The following ARMH4 variants were observed in gnomAD, a reference collection of about 807,000 sequenced individuals.
The protein encoded by ARMH4 is armadillo-like helical domain-containing protein 4.
ARMH4 carries 49 observed loss-of-function variants against 61.9 expected under a neutral mutation model. The observed-to-expected ratio is 0.79, with a 90% confidence interval of 0.63 to 1.00. The LOEUF is 1.00. Among genes scored for constraint, ARMH4 ranks in the 50% least tolerant of loss-of-function variants. The probability of loss-of-function intolerance (pLI) is 0.00; values close to 1 mark genes in which losing one functional copy is unlikely to be tolerated. For missense variants in ARMH4, 934 were observed against 930.0 expected (o/e 1.00, Z -0.06); for synonymous variants, 368 against 341.5 (o/e 1.08, Z -0.85).
chr14:58,039,726 C>T (rs1883620719), intron 5 of ARMH4, among the ~76,000 whole-genome samples: 1 of 152,174 alleles, frequency 6.6e-6, no homozygotes, highest in South Asian at 2.1e-4. Context: ...ACTAGAATTT[C>T]CTGCTTCTCA....
At chr14:58,110,804 C>T (rs1202402566) in intron 4 of ARMH4, among the ~76,000 whole-genome samples, 1 of 152,096 alleles carries the variant, frequency 6.6e-6, no homozygotes, top group African/African-American at 2.4e-5. Flanking sequence ...TCACTGCAAC[C>T]TCCACCTCCC....
In ARMH4 at chr14:58,139,322, A is replaced by G. The variant is rs545053058; in HGVS notation, c.37T>C (p.Phe13Leu). 6.8e-6 allele frequency: 11 copies of G among 1,614,246 alleles called. No individual in the cohort carries two copies. In the African/African-American group the frequency reaches 8.0e-5, roughly 12 times the overall value. Residue 13 changes from phenylalanine (F) to leucine (L), a missense_variant, in exon 2 of 8, where the codon TTC becomes CTC. By Grantham distance (22) the Phe-to-Leu change is conservative. Transcript: ENST00000267485. ...ACGCTGAAAAGCAGAAGGCTACAGAAAGCCAGACAAATGTGCAATACAATC... is the reference window on the plus strand; with the variant it reads ...ACGCTGAAAAGCAGAAGGCTACAGAGAGCCAGACAAATGTGCAATACAATC... ...GPIVLHICLA[F>L]CSLLLFSVAT...
At position 58,138,086 on chromosome 14, in the gene ARMH4, T is replaced by C. The variant is rs960527801; in HGVS notation, c.1273A>G (p.Thr425Ala). 2 of 1,614,236 alleles carry C rather than the reference T, an allele frequency of 1.2e-6. No homozygotes were observed. The highest frequency in any genetic ancestry group is 4.5e-5 in the East Asian group (2 of 44,888). ...LQSTGDFTESTKENDALFFLE... is the reference protein window; with the variant it reads ...LQSTGDFTESAKENDALFFLE... ...AAAAACAGGGCATCGTTTTCCTTGG[T>C]GGATTCCGTGAAGTCTCCCGTACTT... The change falls in exon 2 of 8, where the codon ACC (threonine) becomes GCC (alanine). Residue 425 changes from threonine (T) to alanine (A), a missense_variant. Transcript: ENST00000267485.
Position 58,152,176 on chromosome 14 carries a change from G to C in ARMH4, c.-158C>G, listed in dbSNP as rs1887959644. ...CCCTGCGGCGGCGGCGGCGGTAGCG[G>C]CGGCGACTCCCTCCGCTGTCTGGGA... On this transcript the variant is annotated 5_prime_UTR_variant, in exon 1 of 8. Coordinates refer to ENST00000267485, the MANE Select transcript of ARMH4 (RefSeq NM_001001872.4). 1 of 160,154 alleles carries C rather than the reference G, an allele frequency of 6.2e-6. No individual in the cohort carries two copies. Among genetic ancestry groups the C allele is most frequent in the East Asian group, 1.8e-4 (1 of 5,446 alleles). The allele number at this position is 160,154 out of a possible 1,614,324, so 9.9% of individuals were successfully genotyped here.
intron 5 of ARMH4, among the ~76,000 whole-genome samples, chr14:58,063,662 A>G (rs1566563528): frequency 2.0e-5 from 3 of 151,400 alleles, no homozygotes; most frequent in Admixed American, 6.6e-5. Flanking sequence ...TTGGAGAAGG[A>G]CATGGCTGAA....
In ARMH4 at chr14:58,065,099, G is replaced by A. The variant is rs187384955; in HGVS notation, c.2089+31625C>T. 3.0e-3 allele frequency among the ~76,000 whole-genome samples: 451 copies of A among 152,178 alleles called. 1 individual carries two copies. Among genetic ancestry groups the A allele is most frequent in the African/African-American group, 0.01 (420 of 41,530 alleles). ...TCTACTAAAAATACAAAAATTAGCC[G>A]GGCGTGTTGGTGGACACCTGTAATC... is the stretch of plus-strand genomic sequence containing the variant. On this transcript the variant is annotated intron_variant, in intron 5 of 7. Transcript: ENST00000267485.
chr14:58,019,381 AAT>A (rs1882730082), intron 5 of ARMH4, among the ~76,000 whole-genome samples: 3 of 152,102 alleles, frequency 2.0e-5, no homozygotes, highest in African/African-American at 7.2e-5. Flanking sequence ...CATGTTGATA[AAT>A]ATATATGATT....
intron 4 of ARMH4, among the ~76,000 whole-genome samples, chr14:58,125,469 G>C (rs1184039105): frequency 1.3e-5 from 2 of 152,182 alleles, no homozygotes; most frequent in African/African-American, 4.8e-5. Flanking sequence ...CAGATAGTCA[G>C]GGCCTGTGAA....
At chr14:58,028,894 G>A (rs1048897391) in intron 5 of ARMH4, among the ~76,000 whole-genome samples, 1 of 152,164 alleles carries the variant, frequency 6.6e-6, no homozygotes, top group African/African-American at 2.4e-5. Context: ...CTAACCAGGT[G>A]TTTTTGGTTT....
At chr14:58,132,581 CTTTTTTTTTTTT>C (rs71448942) in intron 3 of ARMH4, among the ~76,000 whole-genome samples, 1 of 86,022 alleles carries the variant, frequency 1.2e-5, no homozygotes, top group African/African-American at 4.1e-5. Context: ...ACCCTTGTCC[CTTTTTTTTTTTT>C]TTTTTTTTTT....
chr14:58,132,486 T>C (rs980249997), intron 3 of ARMH4, among the ~76,000 whole-genome samples: 2 of 151,008 alleles, frequency 1.3e-5, no homozygotes, highest in Non-Finnish European at 3.0e-5. Flanking sequence ...AGCAGCAGAG[T>C]TGCCAAACAG....
intron 5 of ARMH4, among the ~76,000 whole-genome samples, chr14:58,044,586 A>G (rs1883860221): frequency 6.6e-6 from 1 of 152,250 alleles, no homozygotes; most frequent in Admixed American, 6.5e-5. Context: ...CACCAAAAGC[A>G]ATGACAACAA....
chr14:58,062,804 T>C (rs1249205924), intron 5 of ARMH4, among the ~76,000 whole-genome samples: 1 of 152,164 alleles, frequency 6.6e-6, no homozygotes, highest in African/African-American at 2.4e-5. Flanking sequence ...GGCTCCATAA[T>C]TTGCAGCCCC....
intron 5 of ARMH4, among the ~76,000 whole-genome samples, chr14:58,044,258 A>C (rs2141188179): frequency 6.6e-6 from 1 of 152,374 alleles, no homozygotes; most frequent in East Asian, 1.9e-4. Context: ...TACTGGTACC[A>C]AAACAGAGAT....
intron 5 of ARMH4, among the ~76,000 whole-genome samples, chr14:58,047,834 C>T (rs1297670258): frequency 6.6e-6 from 1 of 152,034 alleles, no homozygotes. Context: ...CTTAGGGACC[C>T]GCCAAGTCCC....
intron 4 of ARMH4, among the ~76,000 whole-genome samples, chr14:58,127,975 CAGT>C (rs1280247153): frequency 1.3e-5 from 2 of 152,206 alleles, no homozygotes; most frequent in Non-Finnish European, 2.9e-5. Flanking sequence ...AATAGACCCA[CAGT>C]AGATTTTTCT....
Position 58,138,252 on chromosome 14 carries a change from C to G in ARMH4, c.1107G>C (p.Leu369=). 6.2e-7 allele frequency: 1 copy of G among 1,614,244 alleles called. No homozygotes were observed. The highest frequency in any genetic ancestry group is 8.5e-7 in the Non-Finnish European group (1 of 1,180,050). Residue 369 remains leucine (L), a synonymous_variant, in exon 2 of 8, where the codon CTG becomes CTC. Transcript: ENST00000267485. The part of the protein sequence containing the change: ...WTEAAQVALG[L]PEGETHTGTA... Reference sequence around the variant, plus strand: ...TGCCCGTGTGTGTTTCCCCTTCAGGCAGCCCCAGAGCCACCTGTGCAGCCT... The same window carrying G: ...TGCCCGTGTGTGTTTCCCCTTCAGGGAGCCCCAGAGCCACCTGTGCAGCCT...
intron 5 of ARMH4, among the ~76,000 whole-genome samples, chr14:58,044,012 T>C (rs924095243): frequency 1.6e-4 from 25 of 152,218 alleles, no homozygotes; most frequent in African/African-American, 3.6e-4. Context: ...ATAGGAAGAA[T>C]CAATATAGTG....
chr14:58,093,540 G>C (rs748910701), intron 5 of ARMH4, among the ~76,000 whole-genome samples: 11 of 152,134 alleles, frequency 7.2e-5, no homozygotes, highest in Admixed American at 6.5e-5. Flanking sequence ...TTTCCATGTA[G>C]GGTAATTTAT....
Sources: allele counts gnomAD v4.1 joint callset (sites outside exome capture counted in the v4.1 genomes callset), GRCh38; gene constraint gnomAD v4.1.1; transcripts MANE v1.5; gene names NCBI Gene and HGNC (gene_info 2026-07-23, HGNC 2026-07-21).